C3orf20: variants seen among roughly 807,000 people sequenced by gnomAD.
C3orf20 encodes uncharacterized protein C3orf20.
A neutral mutation model predicts 88.3 loss-of-function variants in C3orf20; 76 were observed. That is an observed-to-expected ratio of 0.86 (90% CI 0.72 to 1.04). C3orf20 has a LOEUF of 1.04. Ranked by LOEUF, C3orf20 falls within the 50% of genes least tolerant of loss-of-function variation. The pLI, the probability that C3orf20 is intolerant of heterozygous loss-of-function variation, is 0.00. For synonymous variants in C3orf20, 436 were observed against 437.4 expected (o/e 1.00, Z 0.04); for missense variants, 1,056 against 1,123.3 (o/e 0.94, Z 0.86).
chr3:14,699,775 G>A (rs1319755986), intron 5 of C3orf20, among the ~76,000 whole-genome samples: 2 of 152,202 alleles, frequency 1.3e-5, no homozygotes, highest in Admixed American at 1.3e-4. Flanking sequence ...GTCTCAGTAG[G>A]TTGCATGCCC....
rs771655232 is a variant in C3orf20, at chr3:14,704,524, A to G, written c.1066A>G (p.Asn356Asp). Residue 356 changes from asparagine (N) to aspartate (D), a missense_variant, in exon 7 of 17, where the codon AAC becomes GAC. Asn to Asp is a conservative substitution (Grantham distance 23). Coordinates refer to ENST00000253697, the MANE Select transcript of C3orf20 (RefSeq NM_032137.5). ...CCCCACCTCTCACCCATCTTCTGCC[A>G]ACCATCATTTCAGTCAGCATTGTCA... ...LSPTSHPSSA[N>D]HHFSQHCQEG... 6.2e-7 allele frequency: 1 copy of G among 1,614,160 alleles called. No individual in the cohort carries two copies. The highest frequency in any genetic ancestry group is 8.5e-7 in the Non-Finnish European group (1 of 1,180,024).
intron 15 of C3orf20, among the ~76,000 whole-genome samples, chr3:14,770,630 C>T (rs1190370232): frequency 6.6e-6 from 1 of 152,156 alleles, no homozygotes; most frequent in Non-Finnish European, 1.5e-5. Context: ...CCAAGCCATG[C>T]CCCTTTCTTC....
chr3:14,692,215 C>T (rs571165908), intron 5 of C3orf20, among the ~76,000 whole-genome samples: 1 of 152,194 alleles, frequency 6.6e-6, no homozygotes, highest in Non-Finnish European at 1.5e-5. Flanking sequence ...CATGGGAGTG[C>T]AGATATCTCT....
intron 4 of C3orf20, among the ~76,000 whole-genome samples, chr3:14,686,761 CAA>C (rs1380922277): frequency 9.9e-5 from 15 of 152,282 alleles, no homozygotes; most frequent in Admixed American, 7.8e-4. Flanking sequence ...TACTCACTGA[CAA>C]GAGGTTTTAT....
intron 7 of C3orf20, among the ~76,000 whole-genome samples, chr3:14,708,763 C>T (rs985888361): frequency 6.6e-6 from 1 of 152,116 alleles, no homozygotes; most frequent in Non-Finnish European, 1.5e-5. Flanking sequence ...CCTGCCTCAG[C>T]CTCCCAGATA....
At position 14,715,426 on chromosome 3, in the gene C3orf20, C is replaced by G; in HGVS notation, c.1434+17C>G. 6.2e-7 allele frequency: 1 copy of G among 1,606,534 alleles called. No individual in the cohort carries two copies. The highest frequency in any genetic ancestry group is 8.5e-7 in the Non-Finnish European group (1 of 1,176,678). ...GAATACAAGGTAGGGATGGGCAGCA[C>G]AGGTTGGGTGGCAGTGAGCACCACT... On this transcript the variant is annotated intron_variant, in intron 9 of 16. Coordinates refer to ENST00000253697, the MANE Select transcript of C3orf20 (RefSeq NM_032137.5).
chr3:14,742,976 A>T (rs9831856), intron 12 of C3orf20, among the ~76,000 whole-genome samples: 18,480 of 151,588 alleles, frequency 0.12, 3,473 homozygotes, highest in African/African-American at 0.39. Flanking sequence ...TCAAGTTGAG[A>T]TTTCAGTGGA....
intron 1 of C3orf20, among the ~76,000 whole-genome samples, chr3:14,678,291 A>G (rs1354973533): frequency 2.0e-5 from 3 of 152,204 alleles, no homozygotes; most frequent in African/African-American, 2.4e-5. Flanking sequence ...CTAGTGTCAC[A>G]CGTGGCCATT....
chr3:14,728,982 G>C (rs2034451386), intron 12 of C3orf20, among the ~76,000 whole-genome samples: 1 of 152,082 alleles, frequency 6.6e-6, no homozygotes, highest in Non-Finnish European at 1.5e-5. Flanking sequence ...TTAAGTGCTT[G>C]AAGGGAGAAA....
intron 5 of C3orf20, among the ~76,000 whole-genome samples, chr3:14,692,098 T>C (rs879743838): frequency 1.2e-4 from 18 of 152,264 alleles, no homozygotes; most frequent in Non-Finnish European, 2.4e-4. Context: ...GGCTGACTAG[T>C]ACTCCATTAC....
chr3:14,761,536 C>T lies in C3orf20; in HGVS notation c.2416C>T (p.Gln806Ter), dbSNP rs2035563044. The T allele has an allele frequency of 6.2e-7, 1 of 1,613,878 alleles. No individual in the cohort carries two copies. Among genetic ancestry groups the T allele is most frequent in the South Asian group, 1.1e-5 (1 of 91,070 alleles). The part of the protein sequence containing the change: ...RVLNGYGLSK[Q>*]NLLKQIFRSQ... ...TTTGAATGGATATGGCCTCAGCAAG[C>T]AGAATCTGCTGAAACAGATCTTCCG... The change falls in exon 15 of 17, where the codon CAG becomes TAG. Residue 806 changes from glutamine (Q) to a stop codon, truncating the protein, a stop_gained. Coordinates refer to ENST00000253697, the MANE Select transcript of C3orf20 (RefSeq NM_032137.5). LOFTEE classifies it high-confidence loss of function.
At chr3:14,691,466 G>C (rs544357615) in intron 5 of C3orf20, among the ~76,000 whole-genome samples, 1 of 152,238 alleles carries the variant, frequency 6.6e-6, no homozygotes, top group Non-Finnish European at 1.5e-5. Context: ...GATGTCTTGA[G>C]CAAGGCTGTT....
chr3:14,741,928 C>A (rs959534149), intron 12 of C3orf20, among the ~76,000 whole-genome samples: 2 of 152,160 alleles, frequency 1.3e-5, no homozygotes, highest in African/African-American at 2.4e-5. Context: ...TAGAAAGGGG[C>A]AGTAACTCCC....
At chr3:14,714,273 G>A in intron 8 of C3orf20, 114 bp downstream of exon 8, 1 of 1,202,644 alleles carries the variant, frequency 8.3e-7, no homozygotes, top group Non-Finnish European at 1.2e-6. Flanking sequence ...GCGGTGTCCA[G>A]AGATCTAGTA....
rs1312867419 is a variant in C3orf20, at chr3:14,768,074, G to A, written c.2496-3993G>A. On this transcript the variant is annotated intron_variant, in intron 15 of 16. Coordinates refer to ENST00000253697, the MANE Select transcript of C3orf20 (RefSeq NM_032137.5). The surrounding 1 kb of genome is among the most constrained non-coding windows in gnomAD (Gnocchi z 4.1). ...GTAACATGCTATCCAGATGGGAGGG[G>A]AAGCTCTTTACAGCTGCGCCACTTG... Among the ~76,000 whole-genome samples the A allele has an allele frequency of 6.6e-6, 1 of 152,250 alleles. No homozygotes were observed. The highest frequency in any genetic ancestry group is 1.9e-4 in the East Asian group (1 of 5,194).
chr3:14,772,877 G>T lies in C3orf20; in HGVS notation c.*2G>T, dbSNP rs550411846. The T allele has an allele frequency of 9.3e-6, 15 of 1,612,838 alleles. No homozygotes were observed. The African/African-American group carries it at 1.1e-4, about 11-fold the overall frequency. On this transcript the variant is annotated 3_prime_UTR_variant, in exon 17 of 17. Transcript: ENST00000253697. The surrounding 1 kb of genome is among the most constrained non-coding windows in gnomAD (Gnocchi z 4.2). ...AAGAAGCAGGCCTCCAAGAAGTAGC[G>T]CCATCCTGGCAGCAGCCAAGTGAGC... is the stretch of plus-strand genomic sequence containing the variant.
At position 14,714,130 on chromosome 3, in the gene C3orf20, G is replaced by A. The variant is rs756953871; in HGVS notation, c.1284G>A (p.Gln428=). Residue 428 remains glutamine, a synonymous_variant, in exon 8 of 17, where the codon CAG becomes CAA. Transcript: ENST00000253697. ...SLLALFNTEG[Q]GCVHYNLKTS... ...TGGCCCTATTCAATACTGAAGGCCA[G>A]GGCTGTGTTCACTACAACCTAAAAA... The A allele has an allele frequency of 8.9e-5, 144 of 1,613,884 alleles. No individual in the cohort carries two copies. The highest frequency in any genetic ancestry group is 1.1e-4 in the Non-Finnish European group (129 of 1,180,024).
chr3:14,694,491 G>T (rs73022192), intron 5 of C3orf20, among the ~76,000 whole-genome samples: 159 of 152,126 alleles, frequency 1.0e-3, no homozygotes, highest in Non-Finnish European at 2.0e-3. Context: ...GCTCATAATA[G>T]GGACTAATGA....
chr3:14,727,716 C>T (rs564970035), intron 11 of C3orf20, among the ~76,000 whole-genome samples: 2 of 152,206 alleles, frequency 1.3e-5, no homozygotes, highest in African/African-American at 2.4e-5. Flanking sequence ...GACTTCCAAT[C>T]GGTCACACCT....
Sources: allele counts gnomAD v4.1 joint callset (sites outside exome capture counted in the v4.1 genomes callset), GRCh38; gene constraint gnomAD v4.1.1; non-coding constraint Gnocchi (gnomAD v3.1); transcripts MANE v1.5; gene names NCBI Gene and HGNC (gene_info 2026-07-23, HGNC 2026-07-21).